Variants in HMCN1 observed in about 807,000 individuals in gnomAD.
HMCN1 encodes the protein hemicentin-1.
Under a neutral mutation model 625.9 loss-of-function variants are expected in HMCN1, and 321 were observed. The ratio of observed to expected loss-of-function variants is 0.51; its 90% CI spans 0.47 to 0.56. The LOEUF (loss-of-function observed/expected upper bound fraction) is 0.56, where lower values mean the gene tolerates loss of function less well. Ranked by LOEUF, HMCN1 falls within the 20% of genes least tolerant of loss-of-function variation. HMCN1 has a pLI of 0.00. For missense variants in HMCN1, 6,588 were observed against 6,887.3 expected (o/e 0.96, Z 1.54); for synonymous variants, 2,425 against 2,417.6 (o/e 1.00, Z -0.09).
chr1:185,962,686 T>C (rs757515729), intron 12 of HMCN1, 27 bp downstream of exon 12: 2 of 1,377,254 alleles, frequency 1.5e-6, no homozygotes, highest in African/African-American at 1.4e-5. Context: ...ATGTTTTTGT[T>C]TTTATTGAGT....
chr1:186,098,298 T>C (rs775104621), intron 68 of HMCN1, among the ~76,000 whole-genome samples: 20 of 152,048 alleles, frequency 1.3e-4, no homozygotes, highest in Admixed American at 2.6e-4. Context: ...TTTCAAACTA[T>C]ACCTCTAAGG....
chr1:186,181,341 T>G (rs1652916128), intron 104 of HMCN1, among the ~76,000 whole-genome samples: 1 of 152,146 alleles, frequency 6.6e-6, no homozygotes, highest in Non-Finnish European at 1.5e-5. Flanking sequence ...ACTTTATCCT[T>G]AAAGCAAATA....
chr1:186,145,638 G>T, intron 92 of HMCN1, 65 bp downstream of exon 92: 2 of 1,609,504 alleles, frequency 1.2e-6, no homozygotes, highest in Non-Finnish European at 1.7e-6. Context: ...ATTGTAGCAG[G>T]CCTATTGCTT....
chr1:186,054,241 GGGACAGATAGT>G (rs1271932949), intron 44 of HMCN1, among the ~76,000 whole-genome samples: 1 of 151,880 alleles, frequency 6.6e-6, no homozygotes, highest in Non-Finnish European at 1.5e-5. Context: ...AATTTTGTTG[GGGACAGATAGT>G]GGACATGTGG....
chr1:186,027,462 C>T (rs1349949114), intron 36 of HMCN1, among the ~76,000 whole-genome samples: 1 of 152,038 alleles, frequency 6.6e-6, no homozygotes, highest in Admixed American at 6.6e-5. Flanking sequence ...GGTGAAACAC[C>T]CAGAAAAAGT....
At chr1:185,999,456 A>G (rs144176707) in intron 25 of HMCN1, among the ~76,000 whole-genome samples, 222 of 146,468 alleles carry the variant, frequency 1.5e-3, no homozygotes, top group African/African-American at 5.7e-3. Flanking sequence ...TGAATCCAGG[A>G]AAGCTATTTC....
intron 1 of HMCN1, among the ~76,000 whole-genome samples, chr1:185,818,577 T>C (rs1476137839): frequency 6.6e-6 from 1 of 152,174 alleles, no homozygotes; most frequent in Non-Finnish European, 1.5e-5. Flanking sequence ...CTTACCTTCT[T>C]TGATATAATA....
intron 24 of HMCN1, 86 bp downstream of exon 24, chr1:185,995,173 C>CTAT: frequency 1.6e-6 from 2 of 1,218,416 alleles, no homozygotes; most frequent in Non-Finnish European, 2.4e-6. Context: ...CTTCGATAAT[C>CTAT]TTAAATGACT....
At chr1:186,050,357 T>C (rs1370248751) in intron 42 of HMCN1, among the ~76,000 whole-genome samples, 1 of 151,816 alleles carries the variant, frequency 6.6e-6, no homozygotes, top group African/African-American at 2.4e-5. Context: ...ATGAAATCAC[T>C]TGGAGAAGGT....
At chr1:185,998,575 C>T (rs1481526462) in intron 25 of HMCN1, among the ~76,000 whole-genome samples, 5 of 152,030 alleles carry the variant, frequency 3.3e-5, no homozygotes, top group African/African-American at 7.2e-5. Context: ...CCACTGGACC[C>T]GCTGGTGGCA....
At chr1:185,980,603 A>C (rs1651552399) in intron 16 of HMCN1, among the ~76,000 whole-genome samples, 1 of 151,342 alleles carries the variant, frequency 6.6e-6, no homozygotes, top group Non-Finnish European at 1.5e-5. Flanking sequence ...GTGGTGGTGC[A>C]GAGCACCACC....
At position 186,145,558 on chromosome 1, in the gene HMCN1, A is replaced by G; in HGVS notation, c.14422A>G (p.Thr4808Ala). The change falls in exon 92 of 107, where the codon ACT becomes GCT. Residue 4808 changes from threonine (T) to alanine (A), a missense_variant. By Grantham distance (58) the Thr-to-Ala change is moderately conservative. Transcript: ENST00000271588. ...AGACTCCCAGATCCAGAGGTGCAAC[A>G]CTGACATGTGTCCTGGTGAGCCTCT... ...GPDSQIQRCN[T>A]DMCPVDGSWG... is the part of the protein sequence containing the mutation. 6.2e-7 allele frequency: 1 copy of G among 1,614,074 alleles called. No individual in the cohort carries two copies. Among genetic ancestry groups the G allele is most frequent in the African/African-American group, 1.3e-5 (1 of 75,064 alleles).
intron 11 of HMCN1, among the ~76,000 whole-genome samples, chr1:185,950,238 A>G (rs1387273187): frequency 6.6e-6 from 1 of 151,460 alleles, no homozygotes; most frequent in East Asian, 1.9e-4. Context: ...AGTACAGCTG[A>G]AGGAGCCGGG....
intron 1 of HMCN1, among the ~76,000 whole-genome samples, chr1:185,737,326 T>C (rs1653657108): frequency 6.6e-6 from 1 of 152,098 alleles, no homozygotes; most frequent in Non-Finnish European, 1.5e-5. Flanking sequence ...TAATTATTTT[T>C]TTCATAGAGA....
intron 70 of HMCN1, among the ~76,000 whole-genome samples, chr1:186,107,976 G>A (rs1427798841): frequency 6.9e-6 from 1 of 144,488 alleles, no homozygotes; most frequent in African/African-American, 2.6e-5. Flanking sequence ...AGCGCAAACT[G>A]TCTGGGATTT....
chr1:185,786,966 A>G (rs749170298), intron 1 of HMCN1, among the ~76,000 whole-genome samples: 27 of 152,238 alleles, frequency 1.8e-4, no homozygotes, highest in Non-Finnish European at 3.4e-4. Flanking sequence ...ACTTCTGTTA[A>G]CATGAGATAA....
chr1:185,857,886 AAAG>A (rs1382119632), intron 2 of HMCN1, among the ~76,000 whole-genome samples: 3 of 152,220 alleles, frequency 2.0e-5, no homozygotes, highest in South Asian at 2.1e-4. Context: ...GAATACCACA[AAAG>A]AAGAATAAAC....
intron 41 of HMCN1, among the ~76,000 whole-genome samples, chr1:186,046,547 A>G (rs1656589086): frequency 6.6e-6 from 1 of 152,126 alleles, no homozygotes; most frequent in African/African-American, 2.4e-5. Flanking sequence ...AATACATAAC[A>G]AATTAACAAT....
chr1:186,096,378 A>T (rs1660139821), intron 68 of HMCN1, among the ~76,000 whole-genome samples: 1 of 152,184 alleles, frequency 6.6e-6, no homozygotes, highest in African/African-American at 2.4e-5. Flanking sequence ...CCCAGTGCTT[A>T]GCATGACATT....
Sources: gnomAD v4.1 joint callset for allele counts (sites outside exome capture counted in the v4.1 genomes callset) on GRCh38, gnomAD v4.1.1 for gene constraint, MANE v1.5 for transcripts, NCBI Gene and HGNC (gene_info 2026-07-23, HGNC 2026-07-21) for gene names.